The following KCNH1 variants were observed in gnomAD, a reference collection of about 807,000 sequenced individuals.
KCNH1 encodes the protein voltage-gated delayed rectifier potassium channel KCNH1.
A neutral mutation model predicts 69.2 loss-of-function variants in KCNH1; 27 were observed. The observed-to-expected ratio is 0.39, with a 90% CI of 0.29 to 0.54. KCNH1 has a LOEUF of 0.54. Among genes scored for constraint, KCNH1 ranks in the 20% least tolerant of loss-of-function variants. The pLI, the probability that KCNH1 is intolerant of heterozygous loss-of-function variation, is 0.68. For missense variants in KCNH1, 798 were observed against 1,261.6 expected (o/e 0.63, Z 5.57); for synonymous variants, 456 against 487.7 (o/e 0.93, Z 0.86).
chr1:210,834,622 C>T (rs1029953628), intron 7 of KCNH1, among the ~76,000 whole-genome samples: 3 of 148,360 alleles, frequency 2.0e-5, no homozygotes, highest in African/African-American at 7.5e-5. Flanking sequence ...CAGCATGTCA[C>T]ATGTATACAT....
intron 10 of KCNH1, among the ~76,000 whole-genome samples, chr1:210,714,526 G>T (rs976696432): frequency 6.6e-6 from 1 of 152,114 alleles, no homozygotes; most frequent in African/African-American, 2.4e-5. Context: ...ACAACGGTAC[G>T]TGCAATGAGC....
chr1:211,129,499 G>A (rs1003925556), intron 1 of KCNH1, among the ~76,000 whole-genome samples: 2 of 152,192 alleles, frequency 1.3e-5, no homozygotes, highest in Admixed American at 6.5e-5. Flanking sequence ...AAATGACAAG[G>A]CTTCAGCTTC....
At chr1:210,868,404 C>T (rs1319392212) in intron 7 of KCNH1, among the ~76,000 whole-genome samples, 2 of 140,636 alleles carry the variant, frequency 1.4e-5, no homozygotes, top group Non-Finnish European at 3.1e-5. Context: ...CTTAATAGTG[C>T]CTTTGATAAA....
At chr1:211,110,955 T>A (rs1191596326) in intron 1 of KCNH1, among the ~76,000 whole-genome samples, 2 of 152,058 alleles carry the variant, frequency 1.3e-5, no homozygotes, top group African/African-American at 4.8e-5. Flanking sequence ...TGGCCTCTGG[T>A]GAGTAGGATG....
chr1:211,029,406 A>C (rs965821994), intron 5 of KCNH1, among the ~76,000 whole-genome samples: 2 of 151,540 alleles, frequency 1.3e-5, no homozygotes, highest in African/African-American at 4.8e-5. Flanking sequence ...TATTGAAAAA[A>C]AAAGCCATGT....
chr1:210,858,921 T>C, intron 7 of KCNH1: 1 of 366,714 alleles, frequency 2.7e-6, no homozygotes, highest in Non-Finnish European at 4.9e-6. Context: ...CTTACTTTCT[T>C]CAAAAAATAA....
At chr1:210,786,375 G>A (rs749129210) in intron 9 of KCNH1, among the ~76,000 whole-genome samples, 14 of 152,004 alleles carry the variant, frequency 9.2e-5, no homozygotes, top group Non-Finnish European at 1.6e-4. Flanking sequence ...TGTCTATTTC[G>A]TGAACTATAG....
intron 6 of KCNH1, among the ~76,000 whole-genome samples, chr1:210,993,949 A>C (rs1292723951): frequency 6.6e-6 from 1 of 150,580 alleles, no homozygotes; most frequent in African/African-American, 2.4e-5. Flanking sequence ...TAGGGGTTTT[A>C]TGACGTTCAA....
At chr1:210,806,410 T>C (rs1684550900) in intron 7 of KCNH1, among the ~76,000 whole-genome samples, 1 of 152,150 alleles carries the variant, frequency 6.6e-6, no homozygotes, top group African/African-American at 2.4e-5. Context: ...TTTTTTATTG[T>C]TGAGTTCTAA....
At chr1:211,098,374 G>A (rs1489599992) in intron 3 of KCNH1, among the ~76,000 whole-genome samples, 1 of 151,064 alleles carries the variant, frequency 6.6e-6, no homozygotes, top group Admixed American at 6.6e-5. Flanking sequence ...TAAACATTAG[G>A]CAAGTAACAA....
intron 5 of KCNH1, among the ~76,000 whole-genome samples, chr1:211,032,754 C>A (rs1441000263): frequency 2.6e-5 from 4 of 152,070 alleles, no homozygotes; most frequent in East Asian, 1.9e-4. Flanking sequence ...CTTATACGAA[C>A]ATTAATTCAA....
chr1:210,921,549 C>A (rs1464464021), intron 6 of KCNH1, among the ~76,000 whole-genome samples: 1 of 152,152 alleles, frequency 6.6e-6, no homozygotes, highest in African/African-American at 2.4e-5. Context: ...GCCAGAGATC[C>A]ACCAAGGCTT....
chr1:210,718,418 T>C (rs60283162), intron 10 of KCNH1, among the ~76,000 whole-genome samples: 1 of 632 alleles, frequency 1.6e-3, no homozygotes. Context: ...TATGTATATA[T>C]ATAAAATATA....
intron 6 of KCNH1, among the ~76,000 whole-genome samples, chr1:210,993,007 C>G (rs1393622643): frequency 6.6e-6 from 1 of 152,168 alleles, no homozygotes; most frequent in Non-Finnish European, 1.5e-5. Context: ...AGGTCATGCT[C>G]TCAGAAGTCT....
intron 7 of KCNH1, among the ~76,000 whole-genome samples, chr1:210,888,843 A>G (rs932401930): frequency 6.6e-6 from 1 of 152,232 alleles, no homozygotes. Context: ...CCCCCCCAAG[A>G]CTAAACCAGG....
At chr1:210,840,685 T>G (rs17016986) in intron 7 of KCNH1, among the ~76,000 whole-genome samples, 37,266 of 152,082 alleles carry the variant, frequency 0.25, 4,808 homozygotes, top group African/African-American at 0.34. Flanking sequence ...TAGAGATGTT[T>G]AAGGGAAGCT....
In KCNH1 at chr1:210,905,614, CA is replaced by C. The variant is rs199917017; in HGVS notation, c.1462+14025del. Reference sequence around the variant, plus strand: ...AATTGCTCACATTGACAGCTTAGAGCAAAAGAGTTCTTTGTGAGCATCGTGT... The same window carrying C: ...AATTGCTCACATTGACAGCTTAGAGCAAAGAGTTCTTTGTGAGCATCGTGT... On this transcript the variant is annotated intron_variant, in intron 7 of 10. Transcript: ENST00000271751. Among the ~76,000 whole-genome samples the C allele has an allele frequency of 4.1e-3, 619 of 151,372 alleles. 8 individuals carry two copies. Among genetic ancestry groups the C allele is most frequent in the African/African-American group, 0.014 (594 of 41,216 alleles).
At chr1:211,000,984 C>T (rs1178011986) in intron 6 of KCNH1, among the ~76,000 whole-genome samples, 1 of 151,936 alleles carries the variant, frequency 6.6e-6, no homozygotes, top group Non-Finnish European at 1.5e-5. Flanking sequence ...AACTGGATCC[C>T]TTCCTTATAC....
intron 5 of KCNH1, among the ~76,000 whole-genome samples, chr1:211,065,452 T>C (rs926720989): frequency 3.3e-5 from 5 of 152,022 alleles, no homozygotes; most frequent in Admixed American, 2.6e-4. Flanking sequence ...AAGTAGAGAG[T>C]AGACTGGTGG....
Sources: allele counts gnomAD v4.1 joint callset (sites outside exome capture counted in the v4.1 genomes callset), GRCh38; gene constraint gnomAD v4.1.1; transcripts MANE v1.5; gene names NCBI Gene and HGNC (gene_info 2026-07-23, HGNC 2026-07-21).